The following KAT6B variants were observed in gnomAD, a reference collection of about 807,000 sequenced individuals.
KAT6B encodes histone acetyltransferase KAT6B.
KAT6B carries 10 observed loss-of-function variants against 187.5 expected under a neutral mutation model. The ratio of observed to expected loss-of-function variants is 0.05; its 90% confidence interval spans 0.03 to 0.09. KAT6B has a LOEUF of 0.09. KAT6B is among the 10% of genes least tolerant of loss of function. KAT6B has a pLI of 1.00. For synonymous variants in KAT6B, 861 were observed against 926.8 expected, an observed-to-expected ratio of 0.93 and a Z score of 1.29; for missense variants, 1,952 against 2,558.9, an observed-to-expected ratio of 0.76 and a Z score of 5.12.
chr10:74,990,189 T>A (rs1203224584), intron 13 of KAT6B, among the ~76,000 whole-genome samples: 2 of 96,314 alleles, frequency 2.1e-5, no homozygotes, highest in East Asian at 3.6e-4. Context: ...AGTGAGAGAC[T>A]CTGTCTCAAA....
At chr10:74,830,538 AG>A (rs1292876116) in intron 1 of KAT6B, among the ~76,000 whole-genome samples, 1 of 151,582 alleles carries the variant, frequency 6.6e-6, no homozygotes, top group Non-Finnish European at 1.5e-5. Flanking sequence ...CCTAGTCATA[AG>A]GTATGCTTGT....
chr10:74,946,361 TAC>T (rs1403996754), intron 3 of KAT6B, among the ~76,000 whole-genome samples: 2 of 152,218 alleles, frequency 1.3e-5, no homozygotes, highest in African/African-American at 4.8e-5. Context: ...GTTAAACATA[TAC>T]CCATCTAATG....
At chr10:74,845,357 T>C (rs1326940598) in intron 3 of KAT6B, among the ~76,000 whole-genome samples, 1 of 150,368 alleles carries the variant, frequency 6.7e-6, no homozygotes, top group Non-Finnish European at 1.5e-5. Flanking sequence ...CCATCTCTAC[T>C]AAATATACAA....
intron 3 of KAT6B, among the ~76,000 whole-genome samples, chr10:74,874,421 T>C (rs1685375565): frequency 6.6e-6 from 1 of 152,078 alleles, no homozygotes; most frequent in Non-Finnish European, 1.5e-5. Flanking sequence ...GCTCTGTCGC[T>C]CAGGCTGGAG....
chr10:74,838,790 A>G (rs1389875621), intron 2 of KAT6B, 38 bp downstream of exon 2: 2 of 152,228 alleles, frequency 1.3e-5, no homozygotes, highest in Admixed American at 6.5e-5. Flanking sequence ...TAAGGTATAA[A>G]ATGACAATCT....
chr10:74,866,796 TTTC>T (rs1273580725), intron 3 of KAT6B, among the ~76,000 whole-genome samples: 1 of 152,182 alleles, frequency 6.6e-6, no homozygotes, highest in Non-Finnish European at 1.5e-5. Context: ...AAAATGAGAC[TTTC>T]TTCTTGACTT....
At chr10:74,936,402 C>CAA (rs1163193286) in intron 3 of KAT6B, among the ~76,000 whole-genome samples, 2 of 103,030 alleles carry the variant, frequency 1.9e-5, no homozygotes, top group African/African-American at 3.6e-5. Context: ...GACTCCATCT[C>CAA]AAAAAAAAAA....
chr10:74,828,315 G>C (rs1318162579), intron 1 of KAT6B, among the ~76,000 whole-genome samples: 1 of 152,134 alleles, frequency 6.6e-6, no homozygotes, highest in Non-Finnish European at 1.5e-5. Flanking sequence ...AACCAAGTAT[G>C]TTTGGGGTTG....
intron 3 of KAT6B, among the ~76,000 whole-genome samples, chr10:74,853,021 A>G (rs1246737921): frequency 4.0e-5 from 6 of 151,236 alleles, no homozygotes; most frequent in Admixed American, 3.9e-4. Flanking sequence ...TTCAAACATT[A>G]TTTAACAAAT....
At chr10:75,019,319 G>A (rs534134359) in intron 13 of KAT6B, among the ~76,000 whole-genome samples, 1 of 152,158 alleles carries the variant, frequency 6.6e-6, no homozygotes, top group Non-Finnish European at 1.5e-5. Flanking sequence ...CCATCAAAAT[G>A]CAAAATGCTG....
At chr10:74,955,385 C>T (rs1259698163) in intron 3 of KAT6B, among the ~76,000 whole-genome samples, 3 of 124,434 alleles carry the variant, frequency 2.4e-5, no homozygotes, top group African/African-American at 9.2e-5. Context: ...CAATTTTATC[C>T]CCCCCCCCCC....
Position 75,032,017 on chromosome 10 carries a change from T to C in KAT6B, c.*971T>C. The C allele has an allele frequency of 5.1e-6, 1 of 194,296 alleles. No individual in the cohort carries two copies. Among genetic ancestry groups the C allele is most frequent in the Non-Finnish European group, 1.1e-5 (1 of 92,924 alleles). 12.0% of individuals were successfully genotyped at this position (194,296 alleles called of 1,614,324 possible). ...TTTTAAGGAAAAATAGAAAAGTAGC[T>C]TGTGAATAGCTCAAACTAAGCTTAC... On this transcript the variant is annotated 3_prime_UTR_variant, in exon 18 of 18. Coordinates refer to ENST00000287239, the MANE Select transcript of KAT6B (RefSeq NM_012330.4).
intron 3 of KAT6B, 64 bp downstream of exon 3, chr10:74,843,542 T>G: frequency 1.3e-6 from 2 of 1,590,006 alleles, no homozygotes; most frequent in Non-Finnish European, 1.7e-6. Context: ...CGGTTTCACT[T>G]AAGTTTTATG....
At chr10:74,874,612 C>G (rs1387458923) in intron 3 of KAT6B, among the ~76,000 whole-genome samples, 1 of 152,070 alleles carries the variant, frequency 6.6e-6, no homozygotes, top group East Asian at 1.9e-4. Flanking sequence ...AACTCCTGAC[C>G]TCAAGTGATC....
At chr10:74,997,715 T>G (rs1843533068) in intron 13 of KAT6B, among the ~76,000 whole-genome samples, 1 of 152,212 alleles carries the variant, frequency 6.6e-6, no homozygotes, top group Non-Finnish European at 1.5e-5. Context: ...AATGGACACC[T>G]TATTTACACT....
intron 3 of KAT6B, among the ~76,000 whole-genome samples, chr10:74,950,339 G>A (rs529533437): frequency 1.8e-4 from 28 of 152,326 alleles, no homozygotes; most frequent in Non-Finnish European, 3.5e-4. Context: ...AGTAGACCCA[G>A]GGCTGCTCTG....
intron 3 of KAT6B, among the ~76,000 whole-genome samples, chr10:74,860,313 A>T (rs189792054): frequency 1.3e-5 from 2 of 152,232 alleles, no homozygotes; most frequent in South Asian, 4.1e-4. Context: ...AATGTGCATT[A>T]TAAGCAGTTA....
chr10:74,957,189 C>T (rs1477517768), intron 3 of KAT6B, among the ~76,000 whole-genome samples: 1 of 152,190 alleles, frequency 6.6e-6, no homozygotes, highest in African/African-American at 2.4e-5. Context: ...GTAAAAGTTT[C>T]ATTTCGTACA....
rs1230613447 is a variant in KAT6B, at chr10:74,975,585, C to T, written c.1248C>T (p.Thr416=). ...GTGCCACCACCAAAATCACCACCAC[C>T]TCCACCTACATTTCTGCCTCTACAC... is the stretch of plus-strand genomic sequence containing the variant. ...RPGATTKITT[T]STYISASTLK... Residue 416 remains threonine (T), a synonymous_variant, in exon 8 of 18, where the codon ACC becomes ACT. Transcript: ENST00000287239. 6.2e-6 allele frequency: 10 copies of T among 1,614,164 alleles called. No individual in the cohort carries two copies. Among genetic ancestry groups the T allele is most frequent in the South Asian group, 2.2e-5 (2 of 91,082 alleles).
Sources: gnomAD v4.1 joint callset for allele counts (sites outside exome capture counted in the v4.1 genomes callset) on GRCh38, gnomAD v4.1.1 for gene constraint, MANE v1.5 for transcripts, NCBI Gene and HGNC (gene_info 2026-07-23, HGNC 2026-07-21) for gene names.